CRKL: variants seen among roughly 807,000 people sequenced by gnomAD.
CRKL encodes crk-like protein.
In CRKL, 3 loss-of-function variants were observed where a neutral mutation model predicts 23.0. The ratio of observed to expected loss-of-function variants is 0.13; its 90% CI spans 0.06 to 0.34. The LOEUF (loss-of-function observed/expected upper bound fraction) is 0.34. Among genes scored for constraint, CRKL ranks in the 10% least tolerant of loss-of-function variants. CRKL has a pLI of 1.00. For synonymous variants in CRKL, 188 were observed against 160.7 expected, an observed-to-expected ratio of 1.17 and a Z score of -1.28; for missense variants, 256 against 394.5, an observed-to-expected ratio of 0.65 and a Z score of 2.97.
chr22:20,918,051 C>A lies in CRKL; in HGVS notation c.117C>A (p.Arg39=). The A allele has an allele frequency of 1.2e-6, 2 of 1,614,266 alleles. No homozygotes were observed. Among genetic ancestry groups the A allele is most frequent in the Non-Finnish European group, 1.7e-6 (2 of 1,180,048 alleles). The stretch of plus-strand genomic sequence containing the variant: ...AGCGCCACGGTATGTTCCTCGTCCG[C>A]GATTCTTCCACCTGCCCTGGGGACT... ...QGQRHGMFLV[R]DSSTCPGDYV... The change falls in exon 1 of 3, where the codon CGC becomes CGA. Residue 39 remains arginine, a synonymous_variant. Transcript: ENST00000354336.
At chr22:20,933,218 A>G (rs1921519800) in intron 1 of CRKL, among the ~76,000 whole-genome samples, 1 of 151,740 alleles carries the variant, frequency 6.6e-6, no homozygotes, top group Admixed American at 6.6e-5. Flanking sequence ...AAAATAGAAA[A>G]AATTAGCGGG....
chr22:20,927,269 C>T (rs1330666900), intron 1 of CRKL, among the ~76,000 whole-genome samples: 1 of 132,634 alleles, frequency 7.5e-6, no homozygotes, highest in Non-Finnish European at 1.5e-5. Context: ...CGGTTCACTG[C>T]AGTCTCCACC....
At position 20,952,527 on chromosome 22, in the gene CRKL, T is replaced by G. The variant is rs1922315560; in HGVS notation, c.*2682T>G. ...TTTTTAATGAGGCAGGGATACTCTG[T>G]TTTTCACACTAAACATATGAATGCA... On this transcript the variant is annotated 3_prime_UTR_variant, in exon 3 of 3. Transcript: ENST00000354336. 1 of 231,578 alleles carries G rather than the reference T, an allele frequency of 4.3e-6. No individual in the cohort carries two copies. The highest frequency in any genetic ancestry group is 5.7e-5 in the Admixed American group (1 of 17,692). 14.3% of individuals were successfully genotyped at this position (231,578 alleles called of 1,614,324 possible). A position where few individuals can be genotyped will look rare whatever the true frequency, so the allele number is the denominator to read the frequency against.
At chr22:20,934,321 C>T (rs1921573102) in intron 2 of CRKL, 77 bp downstream of exon 2, 11 of 1,259,560 alleles carry the variant, frequency 8.7e-6, no homozygotes, top group Non-Finnish European at 1.1e-5. Context: ...AGTTTCTGCT[C>T]ATTTAAGCTT....
rs939884683 is a variant in CRKL at position 20,950,339 on chromosome 22, CTTTTG to C, written c.*500_*504del. 3.7e-5 allele frequency: 8 copies of C among 214,646 alleles called. No individual in the cohort carries two copies. Among genetic ancestry groups the C allele is most frequent in the African/African-American group, 7.2e-5 (3 of 41,926 alleles). 13.3% of individuals were successfully genotyped at this position (214,646 alleles called of 1,614,324 possible). ...ACTCCAAAATCTGGCTTTTTTTTTT[CTTTTG>C]TTTTGGTTTGGTTTTGGAAAACTAA... On this transcript the variant is annotated 3_prime_UTR_variant, in exon 3 of 3. Coordinates refer to ENST00000354336, the MANE Select transcript of CRKL (RefSeq NM_005207.4).
At chr22:20,938,039 T>A (rs895614961) in intron 2 of CRKL, among the ~76,000 whole-genome samples, 5 of 152,160 alleles carry the variant, frequency 3.3e-5, no homozygotes, top group Non-Finnish European at 7.3e-5. Context: ...CTTCTAAAAC[T>A]ATTATTAGGA....
chr22:20,943,714 T>A (rs1194352439), intron 2 of CRKL, among the ~76,000 whole-genome samples: 1 of 152,202 alleles, frequency 6.6e-6, no homozygotes, highest in Non-Finnish European at 1.5e-5. Flanking sequence ...TTGGCCAAGC[T>A]GGGTGTGGTG....
intron 2 of CRKL, among the ~76,000 whole-genome samples, chr22:20,946,196 A>G (rs940355348): frequency 1.3e-5 from 2 of 152,178 alleles, no homozygotes; most frequent in Non-Finnish European, 2.9e-5. Context: ...ATGGAACCAA[A>G]AAACTGCTGT....
chr22:20,951,989 G>C lies in CRKL; in HGVS notation c.*2144G>C, dbSNP rs575162167. ...GGCTTATTTTGGGTTCAGGCCTGGC[G>C]TAGCACCCACAAGTGGCAGACATAT... On this transcript the variant is annotated 3_prime_UTR_variant, in exon 3 of 3. Coordinates refer to ENST00000354336, the MANE Select transcript of CRKL (RefSeq NM_005207.4). 4.5e-5 allele frequency: 10 copies of C among 222,866 alleles called. No homozygotes were observed. The East Asian group carries it at 5.9e-4, about 13-fold the overall frequency. The allele number at this position is 222,866 out of a possible 1,614,324, so 13.8% of individuals were successfully genotyped here.
intron 1 of CRKL, among the ~76,000 whole-genome samples, chr22:20,928,423 C>T (rs1921310088): frequency 6.6e-6 from 1 of 151,740 alleles, no homozygotes; most frequent in Non-Finnish European, 1.5e-5. Context: ...TACTGCTGCA[C>T]TCCAGCCTGG....
At chr22:20,919,354 G>A (rs897605219) in intron 1 of CRKL, among the ~76,000 whole-genome samples, 1 of 152,160 alleles carries the variant, frequency 6.6e-6, no homozygotes, top group Non-Finnish European at 1.5e-5. Flanking sequence ...AGGCTAGAAT[G>A]TTATTAAGGA....
chr22:20,951,546 C>A lies in CRKL; in HGVS notation c.*1701C>A, dbSNP rs561400042. The A allele has an allele frequency of 3.8e-4, 85 of 225,582 alleles. No homozygotes were observed. The South Asian group carries it at 5.5e-3, about 15-fold the overall frequency. 14.0% of individuals were successfully genotyped at this position (225,582 alleles called of 1,614,324 possible). On this transcript the variant is annotated 3_prime_UTR_variant, in exon 3 of 3. Coordinates refer to ENST00000354336, the MANE Select transcript of CRKL (RefSeq NM_005207.4). ...TTCAGTCTGCTCTCCCTTGTGGACC[C>A]TGGTAAAGAAAAGCCTCAGCTCATA...
chr22:20,928,200 T>C (rs1251183198), intron 1 of CRKL, among the ~76,000 whole-genome samples: 3 of 151,706 alleles, frequency 2.0e-5, no homozygotes, highest in African/African-American at 4.8e-5. Flanking sequence ...CATGCACCTG[T>C]AGTCCCAAAT....
In CRKL at chr22:20,952,330, G is replaced by C. The variant is rs1211227863; in HGVS notation, c.*2485G>C. The C allele has an allele frequency of 4.4e-6, 1 of 229,600 alleles. No individual in the cohort carries two copies. Among genetic ancestry groups the C allele is most frequent in the Non-Finnish European group, 8.6e-6 (1 of 115,876 alleles). 14.2% of individuals were successfully genotyped at this position (229,600 alleles called of 1,614,324 possible). A position where few individuals can be genotyped will look rare whatever the true frequency, so the allele number is the denominator to read the frequency against. On this transcript the variant is annotated 3_prime_UTR_variant, in exon 3 of 3. Transcript: ENST00000354336. ...CGCACTTCAGAATCAGATATACCTA[G>C]AGTATACCTGTGGTTTGGTTTTATA...
At chr22:20,919,286 C>G (rs1929803500) in intron 1 of CRKL, among the ~76,000 whole-genome samples, 2 of 152,084 alleles carry the variant, frequency 1.3e-5, no homozygotes, top group South Asian at 4.1e-4. Context: ...TGCATATTTT[C>G]TCCCCGAGGA....
intron 2 of CRKL, among the ~76,000 whole-genome samples, chr22:20,937,422 C>T (rs575414683): frequency 2.6e-3 from 385 of 149,514 alleles, no homozygotes; most frequent in South Asian, 5.0e-3. Flanking sequence ...AGGTACCTGC[C>T]TGTTGACCTC....
At chr22:20,935,613 G>C (rs953974952) in intron 2 of CRKL, among the ~76,000 whole-genome samples, 2 of 148,180 alleles carry the variant, frequency 1.3e-5, no homozygotes, top group African/African-American at 5.0e-5. Context: ...TGCATCCTCC[G>C]CCTCCTGAGT....
At chr22:20,938,139 C>G (rs953083998) in intron 2 of CRKL, among the ~76,000 whole-genome samples, 1 of 152,124 alleles carries the variant, frequency 6.6e-6, no homozygotes, top group African/African-American at 2.4e-5. Flanking sequence ...AAATGAGAAA[C>G]AGACAAGTAG....
At chr22:20,919,185 A>G (rs1929798059) in intron 1 of CRKL, among the ~76,000 whole-genome samples, 2 of 152,122 alleles carry the variant, frequency 1.3e-5, no homozygotes, top group African/African-American at 4.8e-5. Context: ...AGTTTGAAGC[A>G]GGCCAGACAC....
Sources: allele counts gnomAD v4.1 joint callset (sites outside exome capture counted in the v4.1 genomes callset), GRCh38; gene constraint gnomAD v4.1.1; transcripts MANE v1.5; gene names NCBI Gene and HGNC (gene_info 2026-07-23, HGNC 2026-07-21).